Variants in SEMA6D observed in about 807,000 individuals in gnomAD.
SEMA6D encodes the protein semaphorin-6D.
Under a neutral mutation model 106.6 loss-of-function variants are expected in SEMA6D, and 35 were observed. The ratio of observed to expected loss-of-function variants is 0.33; its 90% confidence interval spans 0.25 to 0.44. The LOEUF is 0.44. Among genes scored for constraint, SEMA6D ranks in the 20% least tolerant of loss-of-function variants. The pLI, the probability that SEMA6D is intolerant of heterozygous loss-of-function variation, is 1.00. For missense variants in SEMA6D, 1,185 were observed against 1,345.9 expected, an observed-to-expected ratio of 0.88 and a Z score of 1.87; for synonymous variants, 499 against 487.7, an observed-to-expected ratio of 1.02 and a Z score of -0.31.
At chr15:47,639,058 T>C (rs1012677381) in intron 4 of SEMA6D, among the ~76,000 whole-genome samples, 3 of 152,204 alleles carry the variant, frequency 2.0e-5, no homozygotes, top group Non-Finnish European at 4.4e-5. Context: ...ACACAGACTC[T>C]GCTCACGTGA....
chr15:47,496,538 A>G (rs1300616528), intron 3 of SEMA6D, among the ~76,000 whole-genome samples: 1 of 151,888 alleles, frequency 6.6e-6, no homozygotes. Context: ...TTTTCATTCT[A>G]CCTCCGATAC....
chr15:47,694,917 T>G (rs1046311221), intron 4 of SEMA6D, among the ~76,000 whole-genome samples: 4 of 152,180 alleles, frequency 2.6e-5, no homozygotes, highest in African/African-American at 9.6e-5. Flanking sequence ...TGATATATGC[T>G]GGTACCAAGG....
At chr15:47,765,150 C>T (rs2082270390) in intron 13 of SEMA6D, 94 bp downstream of exon 13, 1 of 1,523,148 alleles carries the variant, frequency 6.6e-7, no homozygotes, top group Non-Finnish European at 8.8e-7. Context: ...TCTAAATTAG[C>T]AGTGGTTTGG....
chr15:47,538,111 A>G (rs1307892186), intron 3 of SEMA6D, among the ~76,000 whole-genome samples: 1 of 152,180 alleles, frequency 6.6e-6, no homozygotes, highest in Non-Finnish European at 1.5e-5. Flanking sequence ...AGAGACTAAG[A>G]TGTGATCAGA....
intron 1 of SEMA6D, among the ~76,000 whole-genome samples, chr15:47,747,184 G>A (rs930870719): frequency 6.6e-6 from 1 of 151,930 alleles, no homozygotes; most frequent in Non-Finnish European, 1.5e-5. Flanking sequence ...TTGTTTCTAG[G>A]ACAATTTTGC....
chr15:47,310,471 T>G (rs2036406228), intron 1 of SEMA6D, among the ~76,000 whole-genome samples: 1 of 152,354 alleles, frequency 6.6e-6, no homozygotes, highest in African/African-American at 2.4e-5. Context: ...TTTTCACATT[T>G]GTTCCCATGG....
At chr15:47,604,515 G>A (rs751756606) in intron 4 of SEMA6D, among the ~76,000 whole-genome samples, 2 of 152,172 alleles carry the variant, frequency 1.3e-5, no homozygotes, top group African/African-American at 4.8e-5. Flanking sequence ...TCCAGGAGAC[G>A]TCTTGAAACT....
intron 2 of SEMA6D, among the ~76,000 whole-genome samples, chr15:47,435,926 T>TA (rs2041685572): frequency 6.6e-6 from 1 of 152,054 alleles, no homozygotes; most frequent in African/African-American, 2.4e-5. Flanking sequence ...TGCTTTGGAC[T>TA]ATGGGCTGTG....
intron 1 of SEMA6D, among the ~76,000 whole-genome samples, chr15:47,219,801 G>A (rs535777792): frequency 5.3e-5 from 8 of 152,272 alleles, no homozygotes; most frequent in Admixed American, 4.6e-4. Context: ...TATAAGCTCC[G>A]GTCAGCTGAC....
intron 1 of SEMA6D, among the ~76,000 whole-genome samples, chr15:47,318,488 A>G (rs865866816): frequency 2.0e-4 from 28 of 141,760 alleles, no homozygotes; most frequent in South Asian, 4.7e-4. Context: ...TCATTGTTCA[A>G]TTCCCACCTA....
intron 1 of SEMA6D, among the ~76,000 whole-genome samples, chr15:47,384,814 G>GTTTTTTTTTTTTTTTT (rs1168068495): frequency 4.6e-5 from 3 of 65,696 alleles, no homozygotes; most frequent in African/African-American, 1.6e-4. Flanking sequence ...GATTACTAAA[G>GTTTTTTTTTTTTTTTT]TTTTTTTTTT....
intron 3 of SEMA6D, among the ~76,000 whole-genome samples, chr15:47,540,498 G>A (rs1184272772): frequency 6.6e-6 from 1 of 152,018 alleles, no homozygotes; most frequent in East Asian, 1.9e-4. Context: ...CATTTGTTCA[G>A]TAAACAGTGA....
intron 1 of SEMA6D, among the ~76,000 whole-genome samples, chr15:47,238,685 G>A (rs1024998436): frequency 6.6e-6 from 1 of 152,062 alleles, no homozygotes; most frequent in African/African-American, 2.4e-5. Flanking sequence ...AGGTCACAAA[G>A]GCATTTTTGC....
chr15:47,225,020 C>T lies in SEMA6D; in HGVS notation c.-239+40602C>T, dbSNP rs1418447029. ...TTCCTCCCTGTTGCACCCTGGAGAG[C>T]CCCTGGCATTTCCCAATCTTGAGCA... On this transcript the variant is annotated intron_variant, in intron 1 of 19. Coordinates refer to the SEMA6D transcript ENST00000558014. 2.0e-5 allele frequency among the ~76,000 whole-genome samples: 3 copies of T among 151,878 alleles called. No homozygotes were observed. The East Asian group carries it at 5.8e-4, about 29-fold the overall frequency.
intron 3 of SEMA6D, among the ~76,000 whole-genome samples, chr15:47,577,987 G>C (rs2076186079): frequency 6.6e-6 from 1 of 152,168 alleles, no homozygotes; most frequent in African/African-American, 2.4e-5. Flanking sequence ...TTAATTTGTG[G>C]AGACCTTTAT....
intron 1 of SEMA6D, among the ~76,000 whole-genome samples, chr15:47,373,436 C>G (rs1259145874): frequency 6.6e-6 from 1 of 152,130 alleles, no homozygotes; most frequent in Non-Finnish European, 1.5e-5. Context: ...TGACTATGAT[C>G]AGCATCTTTT....
chr15:47,405,650 T>A (rs1567056939), intron 1 of SEMA6D, among the ~76,000 whole-genome samples: 1 of 152,230 alleles, frequency 6.6e-6, no homozygotes, highest in African/African-American at 2.4e-5. Context: ...CTTCTCGTGT[T>A]GCCTGAAGGC....
intron 3 of SEMA6D, among the ~76,000 whole-genome samples, chr15:47,501,033 G>A (rs1596166313): frequency 6.6e-6 from 1 of 152,072 alleles, no homozygotes; most frequent in East Asian, 1.9e-4. Context: ...GGGAAGTATT[G>A]CTCTGGGTAT....
chr15:47,560,880 A>T (rs978795846), intron 3 of SEMA6D, among the ~76,000 whole-genome samples: 12 of 152,072 alleles, frequency 7.9e-5, no homozygotes. Flanking sequence ...CCTCGGTCTA[A>T]CAGAAGCCAG....
Sources: allele counts gnomAD v4.1 joint callset (sites outside exome capture counted in the v4.1 genomes callset), GRCh38; gene constraint gnomAD v4.1.1; transcripts MANE v1.5; gene names NCBI Gene and HGNC (gene_info 2026-07-23, HGNC 2026-07-21).